The following SPTLC3 variants were observed in gnomAD, a reference collection of about 807,000 sequenced individuals.
The protein encoded by SPTLC3 is serine palmitoyltransferase long chain base subunit 3.
In SPTLC3, 36 loss-of-function variants were observed where a neutral mutation model predicts 59.3. The observed-to-expected ratio is 0.61, with a 90% CI of 0.47 to 0.80. The LOEUF (loss-of-function observed/expected upper bound fraction) is 0.80. Ranked by LOEUF, SPTLC3 falls within the 30% of genes least tolerant of loss-of-function variation. SPTLC3 has a pLI of 0.00. For synonymous variants in SPTLC3, 257 were observed against 240.8 expected (o/e 1.07, Z -0.62); for missense variants, 625 against 685.1 (o/e 0.91, Z 0.98).
In SPTLC3 at chr20:13,054,503, G is replaced by A. The variant is rs950546731; in HGVS notation, c.303+5373G>A. Among the ~76,000 whole-genome samples the A allele has an allele frequency of 3.3e-4, 51 of 152,298 alleles. 1 individual carries two copies. The highest frequency in any genetic ancestry group is 1.1e-3 in the African/African-American group (45 of 41,572). Reference sequence around the variant, plus strand: ...GCCTGGGACCAAGGTAGTGACAATAGGGTTGGTGACAAGAGAAAAGGCCAG... The same window carrying A: ...GCCTGGGACCAAGGTAGTGACAATAAGGTTGGTGACAAGAGAAAAGGCCAG... On this transcript the variant is annotated intron_variant, in intron 2 of 11. Transcript: ENST00000399002.
chr20:13,100,191 A>G (rs1989555622), intron 6 of SPTLC3, among the ~76,000 whole-genome samples: 1 of 152,202 alleles, frequency 6.6e-6, no homozygotes, highest in South Asian at 2.1e-4. Context: ...AATACCTAAG[A>G]TATACTTAAA....
At chr20:13,020,347 T>TAAAAA (rs112088036) in intron 1 of SPTLC3, among the ~76,000 whole-genome samples, 36 of 95,094 alleles carry the variant, frequency 3.8e-4, no homozygotes, top group Middle Eastern at 6.3e-3. Flanking sequence ...CCCCATTTCT[T>TAAAAA]AAAAAAAAAA....
In SPTLC3 at chr20:13,132,429, G is replaced by A. The variant is rs6134790; in HGVS notation, c.1279+5712G>A. Among the ~76,000 whole-genome samples, 89 of 151,944 alleles carry A rather than the reference G, an allele frequency of 5.9e-4. 1 individual carries two copies. The East Asian group carries it at 0.015, about 25-fold the overall frequency. Reference sequence around the variant, plus strand: ...CGACCTCAAGTAGTCCACCCACCTCGGCCTCCCAAAGTACTGGGATTACAG... The same window carrying A: ...CGACCTCAAGTAGTCCACCCACCTCAGCCTCCCAAAGTACTGGGATTACAG... On this transcript the variant is annotated intron_variant, in intron 9 of 11. Transcript: ENST00000399002.
At chr20:13,049,329 A>G (rs774450138) in intron 2 of SPTLC3, 199 bp downstream of exon 2, 1 of 583,676 alleles carries the variant, frequency 1.7e-6, no homozygotes, top group East Asian at 3.3e-5. Context: ...CTCATGGGCA[A>G]CTACTATTTG....
chr20:13,118,937 A>C (rs1182897842), intron 8 of SPTLC3, among the ~76,000 whole-genome samples: 2 of 152,238 alleles, frequency 1.3e-5, no homozygotes, highest in Non-Finnish European at 2.9e-5. Context: ...TTCAATAAGC[A>C]CTGCTTTCTT....
At chr20:13,062,028 G>A (rs1987997541) in intron 2 of SPTLC3, among the ~76,000 whole-genome samples, 1 of 151,972 alleles carries the variant, frequency 6.6e-6, no homozygotes, top group Non-Finnish European at 1.5e-5. Flanking sequence ...CAGACACTAG[G>A]ACCTCCTTGC....
At chr20:13,034,196 GA>G (rs5840545) in intron 1 of SPTLC3, among the ~76,000 whole-genome samples, 63,778 of 150,386 alleles carry the variant, frequency 0.42, 13,529 homozygotes, top group South Asian at 0.52. Flanking sequence ...AAAGATAAAA[GA>G]AAAAAAAAAT....
At position 13,164,946 on chromosome 20, in the gene SPTLC3, T is replaced by C. The variant is rs1600421029; in HGVS notation, c.*79T>C. On this transcript the variant is annotated 3_prime_UTR_variant, in exon 12 of 12. Coordinates refer to ENST00000399002, the MANE Select transcript of SPTLC3 (RefSeq NM_018327.4). ...TGCCTCACAAGGAATATAAATGGAT[T>C]TCTCCCCCTTCCTCAGGACAATTTT... 8.1e-7 allele frequency: 1 copy of C among 1,227,490 alleles called. No homozygotes were observed. Among genetic ancestry groups the C allele is most frequent in the East Asian group, 2.6e-5 (1 of 39,118 alleles). 76.0% of individuals were successfully genotyped at this position (1,227,490 alleles called of 1,614,324 possible).
At chr20:13,076,896 GC>G (rs1357443341) in intron 4 of SPTLC3, among the ~76,000 whole-genome samples, 2 of 152,106 alleles carry the variant, frequency 1.3e-5, no homozygotes, top group South Asian at 4.1e-4. Context: ...AAGATTGTTT[GC>G]AAAACCTGCA....
At chr20:13,066,077 C>T (rs1413907872) in intron 2 of SPTLC3, among the ~76,000 whole-genome samples, 1 of 152,232 alleles carries the variant, frequency 6.6e-6, no homozygotes, top group Admixed American at 6.5e-5. Flanking sequence ...TTTCACCATG[C>T]CCCCAGGCCT....
intron 11 of SPTLC3, among the ~76,000 whole-genome samples, chr20:13,162,526 G>A (rs190851516): frequency 7.2e-5 from 11 of 152,210 alleles, no homozygotes; most frequent in Middle Eastern, 3.4e-3. Context: ...CTGATGAACA[G>A]CCAGTACATT....
intron 1 of SPTLC3, among the ~76,000 whole-genome samples, chr20:13,033,049 C>A (rs372600099): frequency 6.6e-6 from 1 of 152,132 alleles, no homozygotes; most frequent in South Asian, 2.1e-4. Flanking sequence ...AGACTTGGGT[C>A]TTCTACAGAG....
intron 1 of SPTLC3, among the ~76,000 whole-genome samples, chr20:13,019,723 C>T (rs553562159): frequency 6.6e-6 from 1 of 152,172 alleles, no homozygotes; most frequent in Non-Finnish European, 1.5e-5. Context: ...CACAAACCTT[C>T]GTTAGATGAT....
intron 2 of SPTLC3, among the ~76,000 whole-genome samples, chr20:13,058,975 T>C (rs1987839064): frequency 6.6e-6 from 1 of 152,090 alleles, no homozygotes; most frequent in African/African-American, 2.4e-5. Flanking sequence ...TCAACACAAA[T>C]TTCAGTCTCT....
chr20:13,074,577 T>G (rs1453150586), intron 4 of SPTLC3, 80 bp downstream of exon 4: 1 of 1,439,456 alleles, frequency 6.9e-7, no homozygotes, highest in Non-Finnish European at 9.3e-7. Flanking sequence ...CTAGATCATA[T>G]TTGGACTGTG....
rs556719722 is a variant in SPTLC3 at position 13,117,499 on chromosome 20, G to C, written c.933-7G>C. On this transcript the variant is annotated splice_polypyrimidine_tract_variant and splice_region_variant and intron_variant, in intron 7 of 11. Transcript: ENST00000399002. ...GTTAGTTATGAGCATTTCTCCTTCT[G>C]CCCTAGCATGGAAGGTTCCATCGTG... 1 of 1,571,684 alleles carries C rather than the reference G, an allele frequency of 6.4e-7. No individual in the cohort carries two copies. The highest frequency in any genetic ancestry group is 1.4e-5 in the African/African-American group (1 of 73,338).
intron 2 of SPTLC3, among the ~76,000 whole-genome samples, chr20:13,062,969 T>C (rs1600242848): frequency 6.6e-6 from 1 of 152,228 alleles, no homozygotes; most frequent in Admixed American, 6.5e-5. Flanking sequence ...GTCCAAGGCA[T>C]GCACATTTTA....
chr20:13,128,144 G>C (rs2038037014), intron 9 of SPTLC3, among the ~76,000 whole-genome samples: 2 of 152,204 alleles, frequency 1.3e-5, no homozygotes, highest in South Asian at 4.1e-4. Flanking sequence ...ATTGTGTCTG[G>C]AGACAAGTAT....
intron 2 of SPTLC3, among the ~76,000 whole-genome samples, chr20:13,054,856 G>A (rs2122515855): frequency 6.6e-6 from 1 of 152,242 alleles, no homozygotes; most frequent in Admixed American, 6.5e-5. Flanking sequence ...TCCAGGGTAA[G>A]TTCATGGAGA....
Sources: gnomAD v4.1 joint callset for allele counts (sites outside exome capture counted in the v4.1 genomes callset) on GRCh38, gnomAD v4.1.1 for gene constraint, MANE v1.5 for transcripts, NCBI Gene and HGNC (gene_info 2026-07-23, HGNC 2026-07-21) for gene names.